Variants in SERGEF observed in about 807,000 individuals in gnomAD.
The protein encoded by SERGEF is secretion-regulating guanine nucleotide exchange factor.
Under a neutral mutation model 50.0 loss-of-function variants are expected in SERGEF, and 51 were observed. The observed-to-expected ratio is 1.02, with a 90% CI of 0.81 to 1.29. The LOEUF (loss-of-function observed/expected upper bound fraction) is 1.29. Ranked by LOEUF, SERGEF falls within the 50% of genes most tolerant of loss-of-function variation. SERGEF has a pLI of 0.00. For missense variants in SERGEF, 521 were observed against 557.0 expected, an observed-to-expected ratio of 0.94 and a Z score of 0.65; for synonymous variants, 205 against 212.4, an observed-to-expected ratio of 0.97 and a Z score of 0.30.
At chr11:17,831,106 A>C (rs1359768301) in intron 10 of SERGEF, among the ~76,000 whole-genome samples, 4 of 152,252 alleles carry the variant, frequency 2.6e-5, no homozygotes, top group African/African-American at 4.8e-5. Flanking sequence ...AAACTATCTA[A>C]GGCAGAATCA....
At chr11:17,789,579 A>C (rs1331208960) in intron 10 of SERGEF, among the ~76,000 whole-genome samples, 3 of 152,252 alleles carry the variant, frequency 2.0e-5, no homozygotes, top group Non-Finnish European at 2.9e-5. Context: ...TCGTTTAAAA[A>C]AAATCTTCTG....
At chr11:17,806,710 T>C (rs937225262) in intron 10 of SERGEF, among the ~76,000 whole-genome samples, 1 of 152,156 alleles carries the variant, frequency 6.6e-6, no homozygotes, top group African/African-American at 2.4e-5. Flanking sequence ...AAGTGCCCAC[T>C]TGAAGTGAGG....
intron 8 of SERGEF, among the ~76,000 whole-genome samples, chr11:17,963,215 G>A (rs1222798134): frequency 6.8e-6 from 1 of 146,410 alleles, no homozygotes; most frequent in Non-Finnish European, 1.5e-5. Context: ...AAGTCAAAAG[G>A]CAGGAGAGTG....
At chr11:17,965,495 A>G (rs915046896) in intron 8 of SERGEF, among the ~76,000 whole-genome samples, 2 of 152,038 alleles carry the variant, frequency 1.3e-5, no homozygotes, top group Admixed American at 1.3e-4. Flanking sequence ...ACTCATCTTC[A>G]ACTCTGCCCA....
chr11:17,932,654 C>G (rs746657890), intron 9 of SERGEF, among the ~76,000 whole-genome samples: 1 of 152,118 alleles, frequency 6.6e-6, no homozygotes, highest in Non-Finnish European at 1.5e-5. Flanking sequence ...ATTTCTTAGC[C>G]TCTGCCACCA....
At position 17,884,452 on chromosome 11, in the gene SERGEF, C is replaced by T. The variant is rs77333065; in HGVS notation, c.1012-6208G>A. On this transcript the variant is annotated intron_variant, in intron 9 of 10. Coordinates refer to ENST00000265965, the MANE Select transcript of SERGEF (RefSeq NM_012139.4). The surrounding 1 kb of genome is among the most constrained non-coding windows in gnomAD (Gnocchi z 4.6). ...CCTTTGCTAGAGCTCTGCCCAAACCCGGTTTCCATCCGTGTATCTCTGGGG... is the reference window on the plus strand; with the variant it reads ...CCTTTGCTAGAGCTCTGCCCAAACCTGGTTTCCATCCGTGTATCTCTGGGG... 1.5e-3 allele frequency among the ~76,000 whole-genome samples: 230 copies of T among 152,200 alleles called. 1 individual carries two copies. Among genetic ancestry groups the T allele is most frequent in the Middle Eastern group, 0.01 (3 of 294 alleles).
intron 9 of SERGEF, among the ~76,000 whole-genome samples, chr11:17,927,574 G>A (rs1020668446): frequency 1.3e-5 from 2 of 152,198 alleles, no homozygotes; most frequent in Non-Finnish European, 2.9e-5. Context: ...GTGACCTCAG[G>A]CAAGTCACTC....
intron 3 of SERGEF, 25 bp from the exon 4 acceptor site, chr11:18,004,560 G>A (rs1349334768): frequency 6.6e-7 from 1 of 1,514,492 alleles, no homozygotes; most frequent in Non-Finnish European, 9.1e-7. Context: ...TACTTAAATT[G>A]CAAATCTATG....
chr11:17,832,502 C>A (rs557092231), intron 10 of SERGEF, among the ~76,000 whole-genome samples: 1 of 152,172 alleles, frequency 6.6e-6, no homozygotes, highest in Admixed American at 6.5e-5. Flanking sequence ...TAAACTGGTA[C>A]CAGTAGAGTG....
intron 9 of SERGEF, among the ~76,000 whole-genome samples, chr11:17,913,873 C>A (rs1388090117): frequency 6.6e-6 from 1 of 152,186 alleles, no homozygotes; most frequent in East Asian, 1.9e-4. Context: ...TAGACTTTGA[C>A]AACTGTTTCC....
intron 8 of SERGEF, among the ~76,000 whole-genome samples, chr11:17,983,149 G>T (rs1853525236): frequency 6.6e-6 from 1 of 152,250 alleles, no homozygotes; most frequent in African/African-American, 2.4e-5. Context: ...AGGCTACTTT[G>T]GGATACTGCA....
chr11:18,012,820 A>G (rs1186291592), intron 1 of SERGEF, 131 bp downstream of exon 1: 1 of 934,604 alleles, frequency 1.1e-6, no homozygotes. Flanking sequence ...CTCCCAGCCC[A>G]GGATCCTTCA....
chr11:17,968,112 G>A (rs1211581629), intron 8 of SERGEF, among the ~76,000 whole-genome samples: 1 of 152,162 alleles, frequency 6.6e-6, no homozygotes, highest in East Asian at 1.9e-4. Flanking sequence ...GAAGAACAAT[G>A]ATCTTTTCTT....
intron 10 of SERGEF, among the ~76,000 whole-genome samples, chr11:17,871,414 T>C (rs1402527463): frequency 6.8e-6 from 1 of 146,676 alleles, no homozygotes; most frequent in Non-Finnish European, 1.5e-5. Flanking sequence ...TGAACTGAGA[T>C]TGTGCCACTG....
chr11:17,872,678 TAGA>T (rs1192891751), intron 10 of SERGEF, among the ~76,000 whole-genome samples: 1 of 152,186 alleles, frequency 6.6e-6, no homozygotes, highest in African/African-American at 2.4e-5. Context: ...ATAACATACA[TAGA>T]AGGTCATTCA....
intron 4 of SERGEF, chr11:18,001,912 G>T (rs11024444): frequency 2.2e-6 from 1 of 445,358 alleles, no homozygotes; most frequent in Non-Finnish European, 4.5e-6. Flanking sequence ...CTAAACTTTA[G>T]GACCCTCAAG....
chr11:17,945,323 C>G (rs1006032040), intron 9 of SERGEF, among the ~76,000 whole-genome samples: 2 of 152,186 alleles, frequency 1.3e-5, no homozygotes, highest in African/African-American at 4.8e-5. Context: ...AATTAGAAGC[C>G]TTGGTTGGAA....
At chr11:18,012,774 T>TCCCCCCC in intron 1 of SERGEF, 177 bp downstream of exon 1, 2 of 1,285,096 alleles carry the variant, frequency 1.6e-6, no homozygotes, top group Non-Finnish European at 2.1e-6. Flanking sequence ...GACCCTTCCT[T>TCCCCCCC]CCCCGCCCGC....
At chr11:18,008,808 GC>G (rs1199936155) in intron 1 of SERGEF, among the ~76,000 whole-genome samples, 1 of 151,686 alleles carries the variant, frequency 6.6e-6, no homozygotes, top group Admixed American at 6.6e-5. Context: ...CTGAACTTCA[GC>G]CCCCAAATGA....
Sources: gnomAD v4.1 joint callset for allele counts (sites outside exome capture counted in the v4.1 genomes callset) on GRCh38, gnomAD v4.1.1 for gene constraint, Gnocchi (gnomAD v3.1) non-coding constraint, MANE v1.5 for transcripts, NCBI Gene and HGNC (gene_info 2026-07-23, HGNC 2026-07-21) for gene names.